The following NOS1AP variants were observed in gnomAD, a reference collection of about 807,000 sequenced individuals.
NOS1AP encodes nitric oxide synthase 1 adaptor protein.
NOS1AP carries 21 observed loss-of-function variants against 56.2 expected under a neutral mutation model. The observed-to-expected ratio is 0.37, with a 90% CI of 0.26 to 0.54. The LOEUF is 0.54. Ranked by LOEUF, NOS1AP falls within the 20% of genes least tolerant of loss-of-function variation. The pLI is 0.84. For missense variants in NOS1AP, 522 were observed against 657.8 expected (o/e 0.79, Z 2.26); for synonymous variants, 270 against 274.6 (o/e 0.98, Z 0.17).
intron 8 of NOS1AP, chr1:162,363,618 GC>G: frequency 5.0e-6 from 1 of 199,860 alleles, no homozygotes; most frequent in Non-Finnish European, 9.0e-6. Context: ...CCTGTGAGCA[GC>G]CCCCATCCCG....
chr1:162,359,221 G>A (rs1657805600), intron 8 of NOS1AP, among the ~76,000 whole-genome samples: 1 of 152,126 alleles, frequency 6.6e-6, no homozygotes, highest in African/African-American at 2.4e-5. Context: ...TGCCCTGCTT[G>A]ACTCTCAATA....
At chr1:162,252,422 G>A (rs2101694318) in intron 2 of NOS1AP, among the ~76,000 whole-genome samples, 1 of 152,284 alleles carries the variant, frequency 6.6e-6, no homozygotes, top group East Asian at 1.9e-4. Flanking sequence ...CCTTGGGCAT[G>A]CACAGTTATC....
chr1:162,310,889 A>ACTCTCTCTCT (rs10667390), intron 4 of NOS1AP, among the ~76,000 whole-genome samples: 2 of 150,122 alleles, frequency 1.3e-5, no homozygotes, highest in Non-Finnish European at 3.0e-5. Context: ...CTGTTCGCTG[A>ACTCTCTCTCT]CTCTCTCTCT....
At chr1:162,112,452 A>G (rs1408888818) in intron 1 of NOS1AP, among the ~76,000 whole-genome samples, 1 of 152,014 alleles carries the variant, frequency 6.6e-6, no homozygotes, top group African/African-American at 2.4e-5. Context: ...CCCTCTTCAA[A>G]CCCCTCTGGG....
At chr1:162,103,221 A>G (rs1455621124) in intron 1 of NOS1AP, among the ~76,000 whole-genome samples, 1 of 151,968 alleles carries the variant, frequency 6.6e-6, no homozygotes, top group Non-Finnish European at 1.5e-5. Flanking sequence ...AGGTTGTTCA[A>G]TTTCCATGTA....
rs185423997 is a variant in NOS1AP at position 162,348,739 on chromosome 1, G to C, written c.595+4763G>C. 2.3e-3 allele frequency among the ~76,000 whole-genome samples: 356 copies of C among 152,308 alleles called. 1 individual carries two copies. Among genetic ancestry groups the C allele is most frequent in the Middle Eastern group, 3.4e-3 (1 of 294 alleles). ...AATAATATAAAGGGAGGCAGCAAGGGCTCTCCCCTGCTCGTGTAGGTGAGG... is the reference window on the plus strand; with the variant it reads ...AATAATATAAAGGGAGGCAGCAAGGCCTCTCCCCTGCTCGTGTAGGTGAGG... On this transcript the variant is annotated intron_variant, in intron 6 of 9. Coordinates refer to ENST00000361897, the MANE Select transcript of NOS1AP (RefSeq NM_014697.3).
chr1:162,083,707 A>T (rs1281655132), intron 1 of NOS1AP, among the ~76,000 whole-genome samples: 11 of 152,184 alleles, frequency 7.2e-5, no homozygotes, highest in African/African-American at 2.7e-4. Flanking sequence ...GCTTCCACAG[A>T]TGAAGGAAAT....
At chr1:162,243,095 GT>G (rs1412677889) in intron 2 of NOS1AP, among the ~76,000 whole-genome samples, 1 of 152,190 alleles carries the variant, frequency 6.6e-6, no homozygotes, top group Non-Finnish European at 1.5e-5. Flanking sequence ...CTTCAAGCTG[GT>G]AATGAGTAGT....
intron 2 of NOS1AP, among the ~76,000 whole-genome samples, chr1:162,263,703 C>A (rs1392727215): frequency 6.6e-6 from 1 of 152,276 alleles, no homozygotes; most frequent in East Asian, 1.9e-4. Context: ...CTGGCTTAGA[C>A]TTCTTCTGAC....
At chr1:162,294,601 G>T (rs542317414) in intron 3 of NOS1AP, among the ~76,000 whole-genome samples, 4 of 152,136 alleles carry the variant, frequency 2.6e-5, no homozygotes, top group Non-Finnish European at 5.9e-5. Flanking sequence ...CCTCTATCTC[G>T]CTGACTTTTA....
At chr1:162,183,579 A>G (rs776080535) in intron 2 of NOS1AP, among the ~76,000 whole-genome samples, 7 of 152,240 alleles carry the variant, frequency 4.6e-5, no homozygotes, top group South Asian at 4.1e-4. Flanking sequence ...ACCTTCATCA[A>G]TGATCTTAAC....
chr1:162,191,045 A>C (rs905574474), intron 2 of NOS1AP, among the ~76,000 whole-genome samples: 6 of 152,108 alleles, frequency 3.9e-5, no homozygotes, highest in Admixed American at 3.3e-4. Context: ...CTGAATGGGC[A>C]GGGGCCCTGT....
intron 2 of NOS1AP, among the ~76,000 whole-genome samples, chr1:162,242,302 A>G (rs998374771): frequency 1.3e-5 from 2 of 152,206 alleles, no homozygotes; most frequent in Non-Finnish European, 2.9e-5. Flanking sequence ...GTTTACCTTC[A>G]TGATTTGCAT....
Position 162,367,263 on chromosome 1 carries a change from C to T in NOS1AP, c.1317C>T (p.Thr439=). 6.2e-7 allele frequency: 1 copy of T among 1,613,690 alleles called. No individual in the cohort carries two copies. Among genetic ancestry groups the T allele is most frequent in the Non-Finnish European group, 8.5e-7 (1 of 1,179,958 alleles). ...TTCGCTTTCTTCCGCCCGAGGACAC[C>T]CCGCCCCCAGCGCAGGGCGAGGCGC... ...ECFRFLPPED[T]PPPAQGEALL... is the part of the protein sequence containing the mutation. The change falls in exon 10 of 10, where the codon ACC becomes ACT. Residue 439 remains threonine, a synonymous_variant. Transcript: ENST00000361897. This position sits in a 1 kb window ranked among gnomAD's most constrained non-coding sequence, Gnocchi z 6.5.
intron 2 of NOS1AP, among the ~76,000 whole-genome samples, chr1:162,161,953 G>T (rs1228082270): frequency 6.6e-6 from 1 of 152,176 alleles, no homozygotes; most frequent in Non-Finnish European, 1.5e-5. Flanking sequence ...TTTTTAACCA[G>T]TCAGTACATC....
chr1:162,300,155 C>A (rs1458398528), intron 3 of NOS1AP, among the ~76,000 whole-genome samples: 3 of 152,194 alleles, frequency 2.0e-5, no homozygotes, highest in Non-Finnish European at 4.4e-5. Flanking sequence ...TGGCCGCTGA[C>A]CCTAATGGCC....
intron 1 of NOS1AP, among the ~76,000 whole-genome samples, chr1:162,100,675 T>C (rs1450632596): frequency 1.3e-5 from 2 of 150,678 alleles, no homozygotes; most frequent in African/African-American, 5.0e-5. Flanking sequence ...TTGTTGCCAT[T>C]GCTTTTGGTG....
In NOS1AP at chr1:162,097,169, A is replaced by G. The variant is rs1186662569; in HGVS notation, c.105+26887A>G. Among the ~76,000 whole-genome samples the G allele has an allele frequency of 2.0e-5, 3 of 151,156 alleles. 1 individual carries two copies. In the East Asian group the frequency reaches 5.8e-4, roughly 29 times the overall value. On this transcript the variant is annotated intron_variant, in intron 1 of 9. Coordinates refer to ENST00000361897, the MANE Select transcript of NOS1AP (RefSeq NM_014697.3). ...TCCCTTATTACTAGTGAGTTAAACCATCAGTTTCTATGTGTATTGGTCATT... is the reference window on the plus strand; with the variant it reads ...TCCCTTATTACTAGTGAGTTAAACCGTCAGTTTCTATGTGTATTGGTCATT...
At chr1:162,261,696 G>A (rs1289891616) in intron 2 of NOS1AP, among the ~76,000 whole-genome samples, 4 of 152,064 alleles carry the variant, frequency 2.6e-5, no homozygotes, top group African/African-American at 7.2e-5. Context: ...CCTCCAGAAG[G>A]AACGCATCCC....
Sources: allele counts gnomAD v4.1 joint callset (sites outside exome capture counted in the v4.1 genomes callset), GRCh38; gene constraint gnomAD v4.1.1; non-coding constraint Gnocchi (gnomAD v3.1); transcripts MANE v1.5; gene names NCBI Gene and HGNC (gene_info 2026-07-23, HGNC 2026-07-21).